The following PDE4B variants were observed in gnomAD, a reference collection of about 807,000 sequenced individuals.
PDE4B encodes 3',5'-cyclic-AMP phosphodiesterase 4B.
PDE4B carries 20 observed loss-of-function variants against 82.2 expected under a neutral mutation model. The observed-to-expected ratio is 0.24, with a 90% confidence interval of 0.17 to 0.35. The LOEUF (loss-of-function observed/expected upper bound fraction) is 0.35, where lower values mean the gene tolerates loss of function less well. Among genes scored for constraint, PDE4B ranks in the 10% least tolerant of loss-of-function variants. PDE4B has a pLI of 1.00. For synonymous variants in PDE4B, 320 were observed against 318.9 expected (o/e 1.00, Z -0.04); for missense variants, 655 against 907.2 (o/e 0.72, Z 3.57).
chr1:66,344,288 A>T (rs980865946), intron 8 of PDE4B, among the ~76,000 whole-genome samples: 1 of 152,158 alleles, frequency 6.6e-6, no homozygotes, highest in Non-Finnish European at 1.5e-5. Flanking sequence ...ACACTCAGGA[A>T]CTGGTTGTGC....
intron 3 of PDE4B, among the ~76,000 whole-genome samples, chr1:66,174,468 A>G (rs1378414323): frequency 2.6e-5 from 4 of 152,168 alleles, no homozygotes; most frequent in Non-Finnish European, 1.5e-5. Flanking sequence ...GCTATAAAGA[A>G]CTACCTTGGC....
chr1:66,141,599 C>G (rs933942262), intron 3 of PDE4B, among the ~76,000 whole-genome samples: 1 of 151,860 alleles, frequency 6.6e-6, no homozygotes, highest in African/African-American at 2.4e-5. Context: ...AAAGCCTCCT[C>G]AGAAAGCCTC....
chr1:66,116,211 GTT>G (rs5774800), intron 3 of PDE4B, among the ~76,000 whole-genome samples: 39 of 151,616 alleles, frequency 2.6e-4, no homozygotes, highest in African/African-American at 8.0e-4. Context: ...CTATTTCTGG[GTT>G]TTTTTTTTAT....
At chr1:66,202,055 C>G (rs1217555763) in intron 3 of PDE4B, among the ~76,000 whole-genome samples, 1 of 152,130 alleles carries the variant, frequency 6.6e-6, no homozygotes, top group Admixed American at 6.5e-5. Context: ...TGTCTTTGTT[C>G]TCATTGGTTT....
chr1:66,089,614 A>G (rs916009795), intron 3 of PDE4B, among the ~76,000 whole-genome samples: 2 of 152,010 alleles, frequency 1.3e-5, no homozygotes, highest in Non-Finnish European at 2.9e-5. Context: ...TAGGTATCCT[A>G]TAAAAGAGTT....
At chr1:66,253,720 TAAGAG>T (rs1653967108) in intron 4 of PDE4B, among the ~76,000 whole-genome samples, 1 of 152,256 alleles carries the variant, frequency 6.6e-6, no homozygotes, top group Non-Finnish European at 1.5e-5. Context: ...GGTTGCACTC[TAAGAG>T]AAGTTTTTTG....
At chr1:66,051,351 T>C (rs887085747) in intron 3 of PDE4B, among the ~76,000 whole-genome samples, 6 of 152,256 alleles carry the variant, frequency 3.9e-5, no homozygotes, top group African/African-American at 1.2e-4. Context: ...GGGAAACTAA[T>C]AGCAACCTCA....
At chr1:65,989,562 T>C (rs942926172) in intron 3 of PDE4B, among the ~76,000 whole-genome samples, 1 of 152,176 alleles carries the variant, frequency 6.6e-6, no homozygotes, top group Admixed American at 6.5e-5. Context: ...TTTAATTGGA[T>C]TTCTCAAATA....
chr1:66,171,629 A>G (rs951441131), intron 3 of PDE4B, among the ~76,000 whole-genome samples: 9 of 152,184 alleles, frequency 5.9e-5, no homozygotes, highest in African/African-American at 2.2e-4. Flanking sequence ...AACACTGCCT[A>G]GAGAACCAGA....
chr1:66,225,977 G>T (rs903640364), intron 3 of PDE4B, among the ~76,000 whole-genome samples: 2 of 152,150 alleles, frequency 1.3e-5, no homozygotes, highest in Non-Finnish European at 2.9e-5. Flanking sequence ...TTGCTTATGT[G>T]CATACTGAAA....
chr1:66,099,879 G>A lies in PDE4B; in HGVS notation c.282-147581G>A, dbSNP rs554539581. 6.6e-5 allele frequency among the ~76,000 whole-genome samples: 10 copies of A among 152,028 alleles called. No homozygotes were observed. The South Asian group carries it at 8.3e-4, about 13-fold the overall frequency. On this transcript the variant is annotated intron_variant, in intron 3 of 16. Coordinates refer to ENST00000341517, the MANE Select transcript of PDE4B (RefSeq NM_002600.4). ...TGCTTTCTCTGCTTGAAATGCTGCC[G>A]CTTCCTGCAAGACACCATACTCAGA...
At chr1:65,954,280 G>A (rs1427197213) in intron 3 of PDE4B, among the ~76,000 whole-genome samples, 7 of 151,992 alleles carry the variant, frequency 4.6e-5, no homozygotes, top group Admixed American at 3.9e-4. Flanking sequence ...CAGAGAACTT[G>A]TTTCTTATAC....
At chr1:66,023,897 T>C (rs572653487) in intron 3 of PDE4B, among the ~76,000 whole-genome samples, 43 of 152,210 alleles carry the variant, frequency 2.8e-4, no homozygotes, top group Middle Eastern at 3.4e-3. Context: ...TAGTACTTCA[T>C]TACTATATGT....
chr1:66,080,079 G>A (rs1656645537), intron 3 of PDE4B, among the ~76,000 whole-genome samples: 1 of 152,130 alleles, frequency 6.6e-6, no homozygotes. Flanking sequence ...CTCTGTAAGA[G>A]AGGCTGAGAA....
chr1:65,982,597 TC>T (rs1650744996), intron 3 of PDE4B, among the ~76,000 whole-genome samples: 3 of 152,156 alleles, frequency 2.0e-5, no homozygotes. Context: ...CCAGGAAACA[TC>T]TGTGAAAGAC....
At chr1:65,933,282 C>T (rs1337973402) in intron 3 of PDE4B, among the ~76,000 whole-genome samples, 1 of 151,598 alleles carries the variant, frequency 6.6e-6, no homozygotes, top group Non-Finnish European at 1.5e-5. Flanking sequence ...CCTTGCAGGC[C>T]AGAAGGGAGT....
intron 3 of PDE4B, among the ~76,000 whole-genome samples, chr1:66,231,291 G>A (rs1469880708): frequency 6.6e-6 from 1 of 152,210 alleles, no homozygotes; most frequent in African/African-American, 2.4e-5. Context: ...ACAGAAAACA[G>A]TAATCCATCT....
At chr1:66,238,980 A>G (rs1457584776) in intron 3 of PDE4B, among the ~76,000 whole-genome samples, 2 of 152,206 alleles carry the variant, frequency 1.3e-5, no homozygotes, top group Non-Finnish European at 2.9e-5. Context: ...GGTAGGTGAG[A>G]ACTTACAAAA....
intron 1 of PDE4B, among the ~76,000 whole-genome samples, chr1:65,831,860 T>G (rs1646085423): frequency 6.6e-6 from 1 of 152,220 alleles, no homozygotes; most frequent in South Asian, 2.1e-4. Context: ...AATGTCTTCA[T>G]TCATTCAGCT....
Sources: allele counts gnomAD v4.1 joint callset (sites outside exome capture counted in the v4.1 genomes callset), GRCh38; gene constraint gnomAD v4.1.1; transcripts MANE v1.5; gene names NCBI Gene and HGNC (gene_info 2026-07-23, HGNC 2026-07-21).